Variants in ZNF831 observed in about 807,000 individuals in gnomAD.
The protein encoded by ZNF831 is zinc finger protein 831.
Under a neutral mutation model 95.8 loss-of-function variants are expected in ZNF831, and 59 were observed. The observed-to-expected ratio is 0.62, with a 90% CI of 0.50 to 0.77. The LOEUF (loss-of-function observed/expected upper bound fraction) is 0.77, where lower values mean the gene tolerates loss of function less well. ZNF831 is among the 30% of genes least tolerant of loss of function. The probability of loss-of-function intolerance (pLI) is 0.00; values close to 1 mark genes in which losing one functional copy is unlikely to be tolerated. For synonymous variants in ZNF831, 961 were observed against 925.5 expected, an observed-to-expected ratio of 1.04 and a Z score of -0.70; for missense variants, 2,205 against 2,164.0, an observed-to-expected ratio of 1.02 and a Z score of -0.38.
chr20:59,176,594 C>A (rs537907245), intron 1 of ZNF831, among the ~76,000 whole-genome samples: 1 of 152,280 alleles, frequency 6.6e-6, no homozygotes, highest in Admixed American at 6.5e-5. Context: ...TGAGTAACCC[C>A]CCTAGACCCA....
intron 3 of ZNF831, among the ~76,000 whole-genome samples, chr20:59,205,058 T>C (rs540717407): frequency 3.9e-5 from 6 of 152,276 alleles, no homozygotes; most frequent in African/African-American, 1.4e-4. Context: ...CTCCTTGTTA[T>C]TTTGCGTGAG....
At chr20:59,210,436 A>G (rs1293165199) in intron 4 of ZNF831, among the ~76,000 whole-genome samples, 3 of 152,066 alleles carry the variant, frequency 2.0e-5, no homozygotes, top group Non-Finnish European at 2.9e-5. Context: ...CTGTGGCCTG[A>G]CTTGTCTGGC....
chr20:59,254,230 A>C lies in ZNF831; in HGVS notation c.4521A>C (p.Glu1507Asp), dbSNP rs1405393229. 6.2e-7 allele frequency: 1 copy of C among 1,614,022 alleles called. No individual in the cohort carries two copies. Among genetic ancestry groups the C allele is most frequent in the Admixed American group, 1.7e-5 (1 of 60,018 alleles). The stretch of plus-strand genomic sequence containing the variant: ...TGAGAACAGATCACATAGCCCAGGA[A>C]ATTCACAGTGCTGAATCACGAGACC... ...LPVRTDHIAQ[E>D]IHSAESRDHS... Residue 1507 changes from glutamate (E) to aspartate (D), a missense_variant, in exon 6 of 6, where the codon GAA becomes GAC. Glu to Asp is a conservative substitution (Grantham distance 45, BLOSUM62 2). Coordinates refer to ENST00000371030, the MANE Select transcript of ZNF831 (RefSeq NM_178457.3). The surrounding 1 kb of genome is among the most constrained non-coding windows in gnomAD (Gnocchi z 4.5).
Position 59,191,083 on chromosome 20 carries a change from G to A in ZNF831, c.64G>A (p.Gly22Ser), listed in dbSNP as rs2146542359. Residue 22 changes from glycine (G) to serine (S), a missense_variant, in exon 2 of 6, where the codon GGC becomes AGC. Physicochemically the swap from Gly to Ser is moderately conservative, Grantham distance 56. Coordinates refer to ENST00000371030, the MANE Select transcript of ZNF831 (RefSeq NM_178457.3). ...PARDQPAPTPGPPGAPGGQAS... is the reference protein window; with the variant it reads ...PARDQPAPTPSPPGAPGGQAS... Reference sequence around the variant, plus strand: ...GAGGGACCAGCCAGCTCCCACTCCTGGCCCTCCAGGGGCCCCAGGTGGCCA... The same window carrying A: ...GAGGGACCAGCCAGCTCCCACTCCTAGCCCTCCAGGGGCCCCAGGTGGCCA... 1 of 1,536,976 alleles carries A rather than the reference G, an allele frequency of 6.5e-7. No homozygotes were observed. Among genetic ancestry groups the A allele is most frequent in the Non-Finnish European group, 8.7e-7 (1 of 1,150,010 alleles).
chr20:59,234,426 T>A (rs1986892809), intron 4 of ZNF831, among the ~76,000 whole-genome samples: 1 of 152,126 alleles, frequency 6.6e-6, no homozygotes, highest in African/African-American at 2.4e-5. Flanking sequence ...CTCTGCCCGT[T>A]AGATAGTTTG....
chr20:59,159,443 T>C (rs1031172318), upstream of ZNF831, among the ~76,000 whole-genome samples: 5 of 152,134 alleles, frequency 3.3e-5, no homozygotes, highest in East Asian at 3.9e-4. Context: ...GGATGCATCA[T>C]GCCTTAAATA....
At chr20:59,134,870 A>G (rs78972704) in intron 1 of ZNF831, among the ~76,000 whole-genome samples, 14,034 of 152,214 alleles carry the variant, frequency 0.092, 739 homozygotes, top group Non-Finnish European at 0.12. Context: ...TATAAATGAG[A>G]CTAATGAAAG....
intron 2 of ZNF831, among the ~76,000 whole-genome samples, chr20:59,148,498 G>A (rs1050626962): frequency 1.7e-5 from 2 of 119,526 alleles, no homozygotes. Context: ...TGGCTAACAC[G>A]GTGAAACCCC....
intron 4 of ZNF831, among the ~76,000 whole-genome samples, chr20:59,237,758 A>T (rs1987082765): frequency 6.6e-6 from 1 of 152,158 alleles, no homozygotes; most frequent in Admixed American, 6.5e-5. Flanking sequence ...ATAATTACTC[A>T]TCCCAAAACA....
rs192913115 is a variant in ZNF831 at position 59,143,683 on chromosome 20, C to A, written c.-1424-2548C>A. Among the ~76,000 whole-genome samples, 537 of 152,314 alleles carry A rather than the reference C, an allele frequency of 3.5e-3. 8 individuals are homozygous for A. Among genetic ancestry groups the A allele is most frequent in the Admixed American group, 0.031 (476 of 15,300 alleles). ...ATGGGTTTCCTGATCAGAACATGGCCAGATTTTCTTCTTAAAGGCTGGATG... is the reference window on the plus strand; with the variant it reads ...ATGGGTTTCCTGATCAGAACATGGCAAGATTTTCTTCTTAAAGGCTGGATG... On this transcript the variant is annotated intron_variant, in intron 1 of 7. Coordinates refer to the ZNF831 transcript ENST00000637017.
At chr20:59,245,444 T>C (rs540072213) in intron 4 of ZNF831, among the ~76,000 whole-genome samples, 8 of 152,302 alleles carry the variant, frequency 5.3e-5, no homozygotes, top group African/African-American at 1.7e-4. Flanking sequence ...CTGGCTCCTG[T>C]AGCATTTGAG....
intron 4 of ZNF831, among the ~76,000 whole-genome samples, chr20:59,223,000 G>A (rs941125172): frequency 1.3e-5 from 2 of 152,172 alleles, no homozygotes; most frequent in African/African-American, 4.8e-5. Flanking sequence ...CGCACCAGAC[G>A]ACCCCAGCCT....
At chr20:59,164,481 T>G (rs1010834329) in intron 1 of ZNF831, among the ~76,000 whole-genome samples, 29 of 152,300 alleles carry the variant, frequency 1.9e-4, no homozygotes, top group African/African-American at 7.0e-4. Context: ...ATAAGAAAAT[T>G]TATTGCTTTA....
intron 1 of ZNF831, among the ~76,000 whole-genome samples, chr20:59,126,204 T>C (rs1979166072): frequency 1.3e-5 from 2 of 152,244 alleles, no homozygotes; most frequent in African/African-American, 4.8e-5. Context: ...CAGAGCACTT[T>C]GCTCTTGAAC....
intron 3 of ZNF831, among the ~76,000 whole-genome samples, chr20:59,198,300 G>A (rs1984272352): frequency 6.6e-6 from 1 of 152,206 alleles, no homozygotes; most frequent in South Asian, 2.1e-4. Context: ...ATAATTAGAT[G>A]TAAAGATTTC....
At chr20:59,240,068 C>T (rs1265741778) in intron 4 of ZNF831, among the ~76,000 whole-genome samples, 1 of 152,186 alleles carries the variant, frequency 6.6e-6, no homozygotes, top group Non-Finnish European at 1.5e-5. Context: ...TACCTTCTCT[C>T]CCCTTGGGGA....
At chr20:59,238,045 A>C (rs939332303) in intron 4 of ZNF831, among the ~76,000 whole-genome samples, 3 of 152,178 alleles carry the variant, frequency 2.0e-5, no homozygotes, top group African/African-American at 7.2e-5. Flanking sequence ...GTTCACCTGA[A>C]ACTCATATGG....
rs745392985 is a variant in ZNF831, at chr20:59,163,825, C to T, written c.-419C>T. On this transcript the variant is annotated 5_prime_UTR_variant, in exon 1 of 6. Transcript: ENST00000371030. The stretch of plus-strand genomic sequence containing the variant: ...TTTACTTCCTATTTCTGGGCCATAC[C>T]AAGTTTTATCTCTGCTTGAGTCTCT... Among the ~76,000 whole-genome samples the T allele has an allele frequency of 6.6e-6, 1 of 151,814 alleles. No homozygotes were observed. The highest frequency in any genetic ancestry group is 1.9e-4 in the East Asian group (1 of 5,170).
intron 1 of ZNF831, among the ~76,000 whole-genome samples, chr20:59,134,616 A>G (rs1266297711): frequency 6.6e-6 from 1 of 152,260 alleles, no homozygotes; most frequent in Non-Finnish European, 1.5e-5. Context: ...GGGCCAAGCC[A>G]GAAGGCATGT....
Sources: gnomAD v4.1 joint callset for allele counts (sites outside exome capture counted in the v4.1 genomes callset) on GRCh38, gnomAD v4.1.1 for gene constraint, Gnocchi (gnomAD v3.1) non-coding constraint, MANE v1.5 for transcripts, NCBI Gene and HGNC (gene_info 2026-07-23, HGNC 2026-07-21) for gene names.